CADPS2: variants seen among roughly 807,000 people sequenced by gnomAD.
The protein encoded by CADPS2 is calcium dependent secretion activator 2.
CADPS2 carries 93 observed loss-of-function variants against 172.5 expected under a neutral mutation model. The observed-to-expected ratio is 0.54, with a 90% CI of 0.46 to 0.64. CADPS2 has a LOEUF of 0.64. Ranked by LOEUF, CADPS2 falls within the 30% of genes least tolerant of loss-of-function variation. The probability of loss-of-function intolerance (pLI) is 0.00; values close to 1 mark genes in which losing one functional copy is unlikely to be tolerated. For synonymous variants in CADPS2, 546 were observed against 555.2 expected, an observed-to-expected ratio of 0.98 and a Z score of 0.23; for missense variants, 1,420 against 1,565.9, an observed-to-expected ratio of 0.91 and a Z score of 1.57.
chr7:122,475,410 C>T (rs2056513252), intron 12 of CADPS2, among the ~76,000 whole-genome samples: 1 of 152,094 alleles, frequency 6.6e-6, no homozygotes, highest in Admixed American at 6.5e-5. Context: ...CTCCATTGTT[C>T]CCTAAAATTC....
intron 2 of CADPS2, among the ~76,000 whole-genome samples, chr7:122,728,191 T>G (rs2091296962): frequency 6.6e-6 from 1 of 151,886 alleles, no homozygotes; most frequent in African/African-American, 2.4e-5. Context: ...ATGCCAATCT[T>G]CCCAGCTCCT....
intron 1 of CADPS2, among the ~76,000 whole-genome samples, chr7:122,839,826 T>C (rs1181008631): frequency 6.6e-6 from 1 of 152,158 alleles, no homozygotes; most frequent in East Asian, 1.9e-4. Flanking sequence ...TTTTACACTG[T>C]TGGTGGGACT....
At chr7:122,852,010 C>T (rs898490238) in intron 1 of CADPS2, among the ~76,000 whole-genome samples, 1 of 152,186 alleles carries the variant, frequency 6.6e-6, no homozygotes, top group Non-Finnish European at 1.5e-5. Flanking sequence ...GAAACTGAGG[C>T]ATAAGCCATG....
intron 2 of CADPS2, among the ~76,000 whole-genome samples, chr7:122,707,629 A>T (rs1372576691): frequency 6.6e-6 from 1 of 151,940 alleles, no homozygotes; most frequent in East Asian, 1.9e-4. Context: ...CAAACACTAC[A>T]ACTATGTATG....
chr7:122,833,651 C>G (rs1807328353), intron 1 of CADPS2, among the ~76,000 whole-genome samples: 1 of 152,114 alleles, frequency 6.6e-6, no homozygotes, highest in Non-Finnish European at 1.5e-5. Flanking sequence ...CCACCTCGGC[C>G]TCCGAAAGTG....
At chr7:122,388,337 C>T (rs932775053) in intron 23 of CADPS2, among the ~76,000 whole-genome samples, 5 of 151,812 alleles carry the variant, frequency 3.3e-5, no homozygotes, top group African/African-American at 9.7e-5. Flanking sequence ...CTAAAGAAAC[C>T]ATTAATATGG....
intron 22 of CADPS2, among the ~76,000 whole-genome samples, chr7:122,391,466 A>T (rs1264515590): frequency 6.6e-6 from 1 of 152,098 alleles, no homozygotes; most frequent in East Asian, 1.9e-4. Context: ...TCAAGCGTTA[A>T]ATAGATGAGA....
intron 16 of CADPS2, among the ~76,000 whole-genome samples, chr7:122,440,947 G>A (rs2051266013): frequency 6.6e-6 from 1 of 152,028 alleles, no homozygotes; most frequent in African/African-American, 2.4e-5. Context: ...CTTAAAAAAT[G>A]ATTTTTTTCA....
At chr7:122,807,497 T>C (rs1345390152) in intron 1 of CADPS2, among the ~76,000 whole-genome samples, 1 of 152,194 alleles carries the variant, frequency 6.6e-6, no homozygotes, top group Non-Finnish European at 1.5e-5. Context: ...ACAATCATAA[T>C]GTCTACAATG....
chr7:122,698,529 A>G (rs1337110867), intron 2 of CADPS2: 1 of 1,614,042 alleles, frequency 6.2e-7, no homozygotes, highest in East Asian at 2.2e-5. Context: ...CTGGAACGTT[A>G]TAGATGATCA....
chr7:122,711,558 G>A (rs2088727129), intron 2 of CADPS2, among the ~76,000 whole-genome samples: 1 of 152,174 alleles, frequency 6.6e-6, no homozygotes, highest in South Asian at 2.1e-4. Context: ...TCTACCCCAA[G>A]TGACAGTTGA....
chr7:122,698,497 G>T (rs747981010), intron 2 of CADPS2: 1 of 1,613,920 alleles, frequency 6.2e-7, no homozygotes, highest in South Asian at 1.1e-5. Flanking sequence ...ATGAAACATG[G>T]GGAACACCTG....
At position 122,451,368 on chromosome 7, in the gene CADPS2, A is replaced by T; in HGVS notation, c.2288+6T>A. On this transcript the variant is annotated splice_donor_region_variant and intron_variant, in intron 15 of 29. Transcript: ENST00000449022. ...GAAATATTTATATTAATAAAAAAATATATACCTGAAATGGCTTATCTGATT... is the reference window on the plus strand; with the variant it reads ...GAAATATTTATATTAATAAAAAAATTTATACCTGAAATGGCTTATCTGATT... The T allele has an allele frequency of 7.3e-7, 1 of 1,369,620 alleles. No individual in the cohort carries two copies. Among genetic ancestry groups the T allele is most frequent in the East Asian group, 2.4e-5 (1 of 41,552 alleles). 84.8% of individuals were successfully genotyped at this position (1,369,620 alleles called of 1,614,324 possible).
chr7:122,509,460 C>G (rs931237364), intron 9 of CADPS2, among the ~76,000 whole-genome samples: 1 of 152,162 alleles, frequency 6.6e-6, no homozygotes, highest in Non-Finnish European at 1.5e-5. Flanking sequence ...GCCAAAACAA[C>G]ACAGACGTCT....
chr7:122,586,248 T>A (rs936093117), intron 6 of CADPS2, among the ~76,000 whole-genome samples: 1 of 151,972 alleles, frequency 6.6e-6, no homozygotes, highest in Non-Finnish European at 1.5e-5. Flanking sequence ...GAAGTCCCTA[T>A]CCCCTTGGGA....
At chr7:122,743,301 T>C (rs1394096201) in intron 1 of CADPS2, among the ~76,000 whole-genome samples, 1 of 152,158 alleles carries the variant, frequency 6.6e-6, no homozygotes, top group Non-Finnish European at 1.5e-5. Context: ...GGTTCAGAGG[T>C]GTCTCATGTT....
intron 14 of CADPS2, among the ~76,000 whole-genome samples, chr7:122,464,417 T>C (rs1277809275): frequency 1.3e-5 from 2 of 152,218 alleles, no homozygotes; most frequent in Non-Finnish European, 2.9e-5. Flanking sequence ...TACAGAAGAA[T>C]TCTGAATAAC....
chr7:122,556,883 C>T (rs553273202), intron 7 of CADPS2, among the ~76,000 whole-genome samples: 21 of 152,228 alleles, frequency 1.4e-4, no homozygotes, highest in African/African-American at 4.8e-4. Context: ...AATATCACTT[C>T]TTCCTATTGC....
intron 24 of CADPS2, among the ~76,000 whole-genome samples, chr7:122,381,882 A>T (rs981180057): frequency 6.6e-6 from 1 of 152,194 alleles, no homozygotes; most frequent in African/African-American, 2.4e-5. Flanking sequence ...AAATAGTGTG[A>T]GGTTTTTAGA....
Sources: gnomAD v4.1 joint callset for allele counts (sites outside exome capture counted in the v4.1 genomes callset) on GRCh38, gnomAD v4.1.1 for gene constraint, MANE v1.5 for transcripts, NCBI Gene and HGNC (gene_info 2026-07-23, HGNC 2026-07-21) for gene names.